Variants in PLCXD3 observed in about 807,000 individuals in gnomAD.
PLCXD3 encodes PI-PLC X domain-containing protein 3.
Under a neutral mutation model 25.5 loss-of-function variants are expected in PLCXD3, and 19 were observed. That is an observed-to-expected ratio of 0.75 (90% confidence interval 0.52 to 1.09). The LOEUF is 1.09. Ranked by LOEUF, PLCXD3 falls within the 50% of genes least tolerant of loss-of-function variation. The pLI is 0.00. For synonymous variants in PLCXD3, 174 were observed against 137.6 expected (o/e 1.26, Z -1.85); for missense variants, 411 against 388.1 (o/e 1.06, Z -0.50).
chr5:41,509,159 T>C (rs1738964148), intron 1 of PLCXD3, among the ~76,000 whole-genome samples: 1 of 152,132 alleles, frequency 6.6e-6, no homozygotes, highest in Non-Finnish European at 1.5e-5. Context: ...TCTTTTGTTT[T>C]TGTTTTTGTT....
At chr5:41,377,509 A>G (rs892360544) in intron 2 of PLCXD3, among the ~76,000 whole-genome samples, 4 of 152,066 alleles carry the variant, frequency 2.6e-5, no homozygotes, top group Non-Finnish European at 5.9e-5. Context: ...AAAGGACTTT[A>G]CTCAAGTTGC....
chr5:41,450,489 C>T (rs1303453386), intron 1 of PLCXD3, among the ~76,000 whole-genome samples: 1 of 152,086 alleles, frequency 6.6e-6, no homozygotes, highest in Non-Finnish European at 1.5e-5. Flanking sequence ...GGAAATGTGG[C>T]TGTCAGAGCT....
intron 2 of PLCXD3, among the ~76,000 whole-genome samples, chr5:41,323,021 T>C (rs1359188747): frequency 6.7e-6 from 1 of 150,278 alleles, no homozygotes; most frequent in African/African-American, 2.4e-5. Flanking sequence ...ATATACACAA[T>C]GGAGTACTAT....
At chr5:41,492,074 G>C (rs1459457500) in intron 1 of PLCXD3, among the ~76,000 whole-genome samples, 1 of 152,186 alleles carries the variant, frequency 6.6e-6, no homozygotes, top group African/African-American at 2.4e-5. Flanking sequence ...GGCTGGTACT[G>C]GTTGTTCCTT....
At position 41,333,449 on chromosome 5, in the gene PLCXD3, G is replaced by A. The variant is rs551407685; in HGVS notation, c.813-19679C>T. On this transcript the variant is annotated intron_variant, in intron 2 of 2. Transcript: ENST00000377801. ...TACACTGAAGCATTCAGTGGTAAAA[G>A]GCAGGGTCTTTGCATCTATAGGTTA... Among the ~76,000 whole-genome samples the A allele has an allele frequency of 3.3e-5, 5 of 152,262 alleles. No homozygotes were observed. The East Asian group carries it at 9.7e-4, about 29-fold the overall frequency.
At chr5:41,440,552 G>C (rs913832494) in intron 1 of PLCXD3, among the ~76,000 whole-genome samples, 2 of 151,750 alleles carry the variant, frequency 1.3e-5, no homozygotes, top group Non-Finnish European at 2.9e-5. Flanking sequence ...ATCTCTAATG[G>C]CTCAGTTTTT....
intron 1 of PLCXD3, among the ~76,000 whole-genome samples, chr5:41,436,232 T>C (rs73079722): frequency 0.062 from 9,407 of 151,824 alleles, 975 homozygotes; most frequent in African/African-American, 0.21. Context: ...TTATCTAGTA[T>C]AGCAGTTTTA....
intron 1 of PLCXD3, among the ~76,000 whole-genome samples, chr5:41,433,435 A>G (rs929463821): frequency 6.6e-6 from 1 of 152,134 alleles, no homozygotes; most frequent in Non-Finnish European, 1.5e-5. Flanking sequence ...AATAAAAGCC[A>G]TGAACAGATG....
intron 1 of PLCXD3, among the ~76,000 whole-genome samples, chr5:41,447,204 G>A (rs1747524297): frequency 6.6e-6 from 1 of 152,170 alleles, no homozygotes; most frequent in African/African-American, 2.4e-5. Context: ...CATGTTAATA[G>A]AGTTGTTGCC....
intron 2 of PLCXD3, among the ~76,000 whole-genome samples, chr5:41,354,408 G>A (rs1292519515): frequency 6.6e-6 from 1 of 151,516 alleles, no homozygotes; most frequent in Non-Finnish European, 1.5e-5. Context: ...AGTGACCTAA[G>A]CCAGAAGCTT....
chr5:41,350,612 G>T (rs1283418456), intron 2 of PLCXD3, among the ~76,000 whole-genome samples: 1 of 151,910 alleles, frequency 6.6e-6, no homozygotes, highest in African/African-American at 2.4e-5. Context: ...AATACAATAG[G>T]GTATTCTGAG....
Position 41,310,246 on chromosome 5 carries a change from G to A in PLCXD3, c.*3371C>T, listed in dbSNP as rs982839965. 2 of 152,058 alleles carry A rather than the reference G, an allele frequency of 1.3e-5. No homozygotes were observed. Among genetic ancestry groups the A allele is most frequent in the African/African-American group, 4.8e-5 (2 of 41,414 alleles). 9.4% of individuals were successfully genotyped at this position (152,058 alleles called of 1,614,324 possible). On this transcript the variant is annotated 3_prime_UTR_variant, in exon 3 of 3. Transcript: ENST00000377801. ...GGAGACATAAATGATAATGGCAGAA[G>A]AAAAATTTGCTATATTAGTCCTTGA...
chr5:41,415,638 A>C (rs1391602724), intron 1 of PLCXD3, among the ~76,000 whole-genome samples: 1 of 152,166 alleles, frequency 6.6e-6, no homozygotes, highest in East Asian at 1.9e-4. Context: ...TTAGTAGGTA[A>C]ATAGGTTATA....
At chr5:41,323,069 C>T (rs544131602) in intron 2 of PLCXD3, among the ~76,000 whole-genome samples, 6 of 151,750 alleles carry the variant, frequency 4.0e-5, no homozygotes, top group African/African-American at 1.2e-4. Context: ...TCATTTGCAA[C>T]GACATGCATG....
intron 1 of PLCXD3, among the ~76,000 whole-genome samples, chr5:41,474,969 C>A (rs1748248605): frequency 6.6e-6 from 1 of 152,192 alleles, no homozygotes; most frequent in Non-Finnish European, 1.5e-5. Flanking sequence ...TTCTCAAAAG[C>A]TAGAGCCAAA....
At chr5:41,396,621 A>T (rs1299666195) in intron 1 of PLCXD3, among the ~76,000 whole-genome samples, 1 of 152,230 alleles carries the variant, frequency 6.6e-6, no homozygotes, top group Non-Finnish European at 1.5e-5. Context: ...AGTTTAGAAC[A>T]GTTTGGAGGC....
chr5:41,401,425 G>A (rs1746183013), intron 1 of PLCXD3, among the ~76,000 whole-genome samples: 1 of 152,038 alleles, frequency 6.6e-6, no homozygotes, highest in Non-Finnish European at 1.5e-5. Flanking sequence ...ACATCCAGTT[G>A]TTCAAACACT....
At chr5:41,334,956 C>T (rs139610666) in intron 2 of PLCXD3, among the ~76,000 whole-genome samples, 1 of 152,114 alleles carries the variant, frequency 6.6e-6, no homozygotes, top group Non-Finnish European at 1.5e-5. Flanking sequence ...ATAAAGAAAG[C>T]TTTGCAATTT....
chr5:41,330,610 C>T (rs547645781), intron 2 of PLCXD3, among the ~76,000 whole-genome samples: 3 of 152,298 alleles, frequency 2.0e-5, no homozygotes, highest in African/African-American at 7.2e-5. Context: ...CCAGCATCAT[C>T]CTGATACCAA....
Sources: gnomAD v4.1 joint callset for allele counts (sites outside exome capture counted in the v4.1 genomes callset) on GRCh38, gnomAD v4.1.1 for gene constraint, MANE v1.5 for transcripts, NCBI Gene and HGNC (gene_info 2026-07-23, HGNC 2026-07-21) for gene names.